The following DNAH9 variants were observed in gnomAD, a reference collection of about 807,000 sequenced individuals.
DNAH9 encodes DNAH9 variant protein.
Under a neutral mutation model 471.6 loss-of-function variants are expected in DNAH9, and 345 were observed. The ratio of observed to expected loss-of-function variants is 0.73; its 90% confidence interval spans 0.67 to 0.80. The LOEUF (loss-of-function observed/expected upper bound fraction) is 0.80, where lower values mean the gene tolerates loss of function less well. Among genes scored for constraint, DNAH9 ranks in the 30% least tolerant of loss-of-function variants. The pLI, the probability that DNAH9 is intolerant of heterozygous loss-of-function variation, is 0.00. For missense variants in DNAH9, 5,407 were observed against 5,609.2 expected (o/e 0.96, Z 1.15); for synonymous variants, 2,093 against 2,123.6 (o/e 0.99, Z 0.40).
chr17:11,613,568 G>A (rs61172814), intron 4 of DNAH9, among the ~76,000 whole-genome samples: 57,322 of 152,022 alleles, frequency 0.38, 12,012 homozygotes, highest in South Asian at 0.63. Context: ...TCGCGTCACC[G>A]CACTCCAGCC....
chr17:11,952,314 T>TTC (rs1474620897), intron 67 of DNAH9, among the ~76,000 whole-genome samples: 1 of 91,114 alleles, frequency 1.1e-5, no homozygotes, highest in Non-Finnish European at 2.4e-5. Flanking sequence ...TAATTCTTTT[T>TTC]TTTTTTTTTT....
intron 28 of DNAH9, among the ~76,000 whole-genome samples, chr17:11,735,210 A>G (rs1367874758): frequency 6.6e-6 from 1 of 152,076 alleles, no homozygotes; most frequent in Non-Finnish European, 1.5e-5. Context: ...TGGGCTGATC[A>G]TTCTGTTTTG....
intron 26 of DNAH9, 66 bp downstream of exon 26, chr17:11,705,251 T>C (rs1023644743): frequency 6.9e-7 from 1 of 1,446,900 alleles, no homozygotes; most frequent in African/African-American, 1.4e-5. Flanking sequence ...AGTGGGCATC[T>C]AGGGTCAAAG....
intron 10 of DNAH9, among the ~76,000 whole-genome samples, chr17:11,641,860 C>A (rs117922274): frequency 1.1e-4 from 16 of 152,198 alleles, no homozygotes; most frequent in African/African-American, 3.9e-4. Context: ...GGAAACAGAT[C>A]GGGCAGAGAA....
chr17:11,690,146 A>G lies in DNAH9; in HGVS notation c.4324A>G (p.Thr1442Ala). 1 of 1,614,226 alleles carries G rather than the reference A, an allele frequency of 6.2e-7. No homozygotes were observed. The highest frequency in any genetic ancestry group is 8.5e-7 in the Non-Finnish European group (1 of 1,180,034). The change falls in exon 20 of 69, where the codon ACT (threonine) becomes GCT (alanine). Residue 1442 changes from threonine (T) to alanine (A), a missense_variant. Coordinates refer to ENST00000262442, the MANE Select transcript of DNAH9 (RefSeq NM_001372.4). The part of the protein sequence containing the change: ...GMEKTLKELQ[T>A]TWAGMEFQYE... Reference sequence around the variant, plus strand: ...GGAGAAAACCTTAAAGGAGCTGCAGACTACCTGGGCTGGCATGGAATTCCA... The same window carrying G: ...GGAGAAAACCTTAAAGGAGCTGCAGGCTACCTGGGCTGGCATGGAATTCCA...
At chr17:11,881,151 A>AC in intron 54 of DNAH9, 58 bp from the exon 55 acceptor site, 1 of 1,559,904 alleles carries the variant, frequency 6.4e-7, no homozygotes, top group East Asian at 2.2e-5. Flanking sequence ...TCAAATTCTG[A>AC]CCCCAACCAA....
At position 11,937,462 on chromosome 17, in the gene DNAH9, G is replaced by A. The variant is rs1974752818; in HGVS notation, c.12600G>A (p.Leu4200=). ...QTSEKLFRTV[L]ELQPRDSQAR... ...CAGAAAAGCTCTTCCGCACTGTGCT[G>A]GAGCTGCAGCCTCGGGACAGCCAGG... is the stretch of plus-strand genomic sequence containing the variant. The change falls in exon 66 of 69, where the codon CTG becomes CTA. Residue 4200 remains leucine (L), a synonymous_variant. Coordinates refer to ENST00000262442, the MANE Select transcript of DNAH9 (RefSeq NM_001372.4). The surrounding 1 kb of genome is among the most constrained non-coding windows in gnomAD (Gnocchi z 4.1). 6.2e-7 allele frequency: 1 copy of A among 1,613,814 alleles called. No homozygotes were observed. The highest frequency in any genetic ancestry group is 1.3e-5 in the African/African-American group (1 of 74,916).
chr17:11,703,588 T>C (rs2074642127), intron 24 of DNAH9, among the ~76,000 whole-genome samples: 1 of 152,228 alleles, frequency 6.6e-6, no homozygotes, highest in Non-Finnish European at 1.5e-5. Flanking sequence ...AGAAGAAATA[T>C]GTATTTCAAT....
chr17:11,647,284 T>G (rs768377944), intron 12 of DNAH9, 86 bp downstream of exon 12: 19 of 1,367,190 alleles, frequency 1.4e-5, no homozygotes, highest in Non-Finnish European at 1.8e-5. Flanking sequence ...AGACTTTTAT[T>G]TTTTTGAGAC....
At chr17:11,885,420 C>T (rs997007895) in intron 56 of DNAH9, among the ~76,000 whole-genome samples, 1 of 152,186 alleles carries the variant, frequency 6.6e-6, no homozygotes, top group African/African-American at 2.4e-5. Flanking sequence ...GAAAATTGGG[C>T]TACGTCCTGA....
rs552097143 is a variant in DNAH9, at chr17:11,873,149, T to A, written c.10242+1363T>A. ...GCAAATAAACAAAAAATAAAGCAGC[T>A]GTTTGACTCATCCTAAACACTTTTG... On this transcript the variant is annotated intron_variant, in intron 52 of 68. Transcript: ENST00000262442. Among the ~76,000 whole-genome samples the A allele has an allele frequency of 4.6e-5, 7 of 152,362 alleles. No homozygotes were observed. The South Asian group carries it at 1.4e-3, about 32-fold the overall frequency.
intron 40 of DNAH9, 41 bp downstream of exon 40, chr17:11,783,789 T>A: frequency 6.6e-7 from 1 of 1,516,016 alleles, no homozygotes; most frequent in Non-Finnish European, 9.2e-7. Flanking sequence ...AATCCTATCT[T>A]ACTAGAGCTG....
intron 36 of DNAH9, among the ~76,000 whole-genome samples, chr17:11,767,589 C>A (rs1243133990): frequency 2.0e-5 from 3 of 152,108 alleles, no homozygotes; most frequent in Admixed American, 6.5e-5. Context: ...CTAAAATGAC[C>A]AATATGGGAC....
At chr17:11,768,701 CG>C in intron 37 of DNAH9, 75 bp downstream of exon 37, 1 of 1,532,092 alleles carries the variant, frequency 6.5e-7, no homozygotes. Context: ...GTAGCAGCCC[CG>C]CATGGCTATC....
chr17:11,733,243 A>G (rs1324060660), intron 28 of DNAH9, among the ~76,000 whole-genome samples: 1 of 152,190 alleles, frequency 6.6e-6, no homozygotes, highest in Non-Finnish European at 1.5e-5. Flanking sequence ...CTAGAATAGA[A>G]GGGCCAAGGT....
intron 6 of DNAH9, among the ~76,000 whole-genome samples, chr17:11,628,788 G>C (rs1420127693): frequency 6.6e-6 from 1 of 152,138 alleles, no homozygotes; most frequent in African/African-American, 2.4e-5. Flanking sequence ...TATATAAATA[G>C]TTTTATTATT....
chr17:11,647,134 T>C lies in DNAH9; in HGVS notation c.2033T>C (p.Leu678Pro). Residue 678 changes from leucine (L) to proline (P), a missense_variant, in exon 12 of 69, where the codon CTT (leucine) becomes CCT (proline). This residue lies in a region of DNAH9 where 4,636 missense variants were observed against 4,900.3 expected (regional missense o/e 0.95). Coordinates refer to ENST00000262442, the MANE Select transcript of DNAH9 (RefSeq NM_001372.4). ...RTVSEKSQYN[L>P]SQPLLKRDPE... ...GTATCAGAGAAGTCACAGTACAATC[T>C]TTCCCAACCACTTCTAAAACGTGAC... 1 of 1,614,010 alleles carries C rather than the reference T, an allele frequency of 6.2e-7. No homozygotes were observed. Among genetic ancestry groups the C allele is most frequent in the Non-Finnish European group, 8.5e-7 (1 of 1,179,910 alleles).
intron 35 of DNAH9, among the ~76,000 whole-genome samples, chr17:11,762,759 T>TTTTTTTTGTTG (rs1555584577): frequency 5.1e-4 from 37 of 72,234 alleles, no homozygotes; most frequent in African/African-American, 5.6e-4. Context: ...TTTAGGTGCG[T>TTTTTTTTGTTG]TTTTTTTTTT....
At chr17:11,650,402 T>C (rs2073480845) in intron 12 of DNAH9, among the ~76,000 whole-genome samples, 1 of 152,176 alleles carries the variant, frequency 6.6e-6, no homozygotes. Context: ...ATCTTTCTCC[T>C]TGGCTTCTCA....
Sources: gnomAD v4.1 joint callset for allele counts (sites outside exome capture counted in the v4.1 genomes callset) on GRCh38, gnomAD v4.1.1 for gene constraint, gnomAD v4.1.1 regional missense constraint, Gnocchi (gnomAD v3.1) non-coding constraint, MANE v1.5 for transcripts, NCBI Gene and HGNC (gene_info 2026-07-23, HGNC 2026-07-21) for gene names.